The following DNAH8 variants were observed in gnomAD, a reference collection of about 807,000 sequenced individuals.
The protein encoded by DNAH8 is dynein axonemal heavy chain 8, also known as axonemal beta dynein heavy chain 8.
DNAH8 carries 382 observed loss-of-function variants against 562.1 expected under a neutral mutation model. The ratio of observed to expected loss-of-function variants is 0.68; its 90% CI spans 0.63 to 0.74. The LOEUF (loss-of-function observed/expected upper bound fraction) is 0.74. DNAH8 is among the 30% of genes least tolerant of loss of function. The pLI is 0.00. For synonymous variants in DNAH8, 1,881 were observed against 1,919.4 expected, an observed-to-expected ratio of 0.98 and a Z score of 0.52; for missense variants, 5,203 against 5,620.4, an observed-to-expected ratio of 0.93 and a Z score of 2.37.
intron 62 of DNAH8, among the ~76,000 whole-genome samples, chr6:38,903,737 G>C (rs1024854855): frequency 1.3e-5 from 2 of 148,486 alleles, no homozygotes; most frequent in African/African-American, 5.0e-5. Flanking sequence ...TCAGCCTCCC[G>C]AGTAGCTGGG....
chr6:38,862,793 T>C (rs1242235341), intron 44 of DNAH8, among the ~76,000 whole-genome samples: 1 of 152,060 alleles, frequency 6.6e-6, no homozygotes, highest in Non-Finnish European at 1.5e-5. Context: ...AATGAAAGAA[T>C]TTTAGAAAGC....
At chr6:38,886,639 C>A in intron 56 of DNAH8, 152 bp from the exon 57 acceptor site, 1 of 674,504 alleles carries the variant, frequency 1.5e-6, no homozygotes, top group Non-Finnish European at 2.5e-6. Flanking sequence ...TCATTTAAGT[C>A]AAATTACCTT....
Position 39,008,810 on chromosome 6 carries a change from C to G in DNAH8, c.13215-4C>G, listed in dbSNP as rs373756546. 13 of 1,575,072 alleles carry G rather than the reference C, an allele frequency of 8.3e-6. No individual in the cohort carries two copies. The highest frequency in any genetic ancestry group is 4.5e-5 in the South Asian group (4 of 88,578). On this transcript the variant is annotated splice_region_variant and splice_polypyrimidine_tract_variant and intron_variant, in intron 88 of 92. Transcript: ENST00000327475. Reference sequence around the variant, plus strand: ...CATTCTGAACAGCTCACTCTTTTTACTAGGTATCAGAGTAACACTGCTTCT... The same window carrying G: ...CATTCTGAACAGCTCACTCTTTTTAGTAGGTATCAGAGTAACACTGCTTCT...
chr6:38,885,205 G>A (rs192004432), intron 56 of DNAH8, among the ~76,000 whole-genome samples: 208 of 152,212 alleles, frequency 1.4e-3, no homozygotes, highest in Non-Finnish European at 2.3e-3. Flanking sequence ...ATCCAACTAG[G>A]GATGTCTGGT....
chr6:38,766,135 T>TTGTGTGTGTG (rs774448668), intron 11 of DNAH8, among the ~76,000 whole-genome samples: 5 of 128,914 alleles, frequency 3.9e-5, no homozygotes, highest in South Asian at 5.5e-4. Flanking sequence ...ATGTATGTGT[T>TTGTGTGTGTG]TGTATGTGTG....
chr6:38,822,781 A>G lies in DNAH8; in HGVS notation c.3524-57A>G. On this transcript the variant is annotated intron_variant, in intron 26 of 92. Transcript: ENST00000327475. ...AAAAGAATCACAAATATTAAAACTG[A>G]TAATATTTAAAGTTGAATATAGAAG... The G allele has an allele frequency of 4.1e-6, 5 of 1,207,946 alleles. No homozygotes were observed. In the South Asian group the frequency reaches 5.7e-5, roughly 14 times the overall value. 74.8% of individuals were successfully genotyped at this position (1,207,946 alleles called of 1,614,324 possible). A position where few individuals can be genotyped will look rare whatever the true frequency, so the allele number is the denominator to read the frequency against.
At chr6:38,862,529 A>T in intron 44 of DNAH8, 71 bp downstream of exon 44, 2 of 1,507,330 alleles carry the variant, frequency 1.3e-6, no homozygotes, top group Non-Finnish European at 1.8e-6. Flanking sequence ...ATTTTCTGAT[A>T]TAAATCCAAA....
rs765524742 is a variant in DNAH8 at position 38,723,380 on chromosome 6, A to T, written c.434A>T (p.Asp145Val). The change falls in exon 3 of 93, where the codon GAC becomes GTC. Residue 145 changes from aspartate (D) to valine (V), a missense_variant. Coordinates refer to ENST00000327475, the MANE Select transcript of DNAH8 (RefSeq NM_001206927.2). ...AGGGAAAGCCGAAGACTGAAAATTG[A>T]CCCTTCATACAAATATATATTTGAA... ...EARESRRLKI[D>V]PSYKYIFEIL... The T allele has an allele frequency of 5.6e-6, 9 of 1,612,024 alleles. No homozygotes were observed. In the East Asian group the frequency reaches 1.3e-4, roughly 24 times the overall value.
At chr6:38,978,057 G>A (rs1675666744) in intron 85 of DNAH8, among the ~76,000 whole-genome samples, 1 of 152,244 alleles carries the variant, frequency 6.6e-6, no homozygotes, top group Non-Finnish European at 1.5e-5. Context: ...TCATAGTCTG[G>A]AGTTTTTCTC....
rs759002964 is a variant in DNAH8, at chr6:38,906,334, T to C, written c.9275T>C (p.Phe3092Ser). The C allele has an allele frequency of 1.2e-6, 2 of 1,611,212 alleles. No individual in the cohort carries two copies. The highest frequency in any genetic ancestry group is 2.2e-5 in the South Asian group (2 of 90,790). The change falls in exon 63 of 93, where the codon TTC (phenylalanine) becomes TCC (serine). Residue 3092 changes from phenylalanine to serine, a missense_variant. By Grantham distance (155) the Phe-to-Ser change is radical. Transcript: ENST00000327475. Reference protein sequence around the residue: ...VAGADGKGITFIFTDSEIKDE... With the variant: ...VAGADGKGITSIFTDSEIKDE... ...GGTGCTGATGGAAAAGGCATCACTT[T>C]CATCTTTACTGACAGTGAAATAAAA...
chr6:38,942,675 A>C (rs1783556039), intron 79 of DNAH8, among the ~76,000 whole-genome samples: 1 of 152,222 alleles, frequency 6.6e-6, no homozygotes, highest in African/African-American at 2.4e-5. Flanking sequence ...GAGCTGGGGC[A>C]GTGGATTGCA....
At chr6:38,857,885 ATT>A in intron 42 of DNAH8, 143 bp downstream of exon 42, 1 of 616,492 alleles carries the variant, frequency 1.6e-6, no homozygotes. Flanking sequence ...ACAGTATTGT[ATT>A]TCTGTATTGG....
At position 38,752,325 on chromosome 6, in the gene DNAH8, G is replaced by A. The variant is rs543814945; in HGVS notation, c.1407+1736G>A. Among the ~76,000 whole-genome samples, 144 of 151,328 alleles carry A rather than the reference G, an allele frequency of 9.5e-4. 2 individuals are homozygous for A. Among genetic ancestry groups the A allele is most frequent in the African/African-American group, 3.3e-3 (133 of 40,668 alleles). On this transcript the variant is annotated intron_variant, in intron 9 of 92. Transcript: ENST00000327475. ...ATTACAGGTGCATGCCACCATGCCC[G>A]GCTAATTTTTGTATTTTTAGTAGAG...
intron 84 of DNAH8, 46 bp downstream of exon 84, chr6:38,973,859 T>C: frequency 1.4e-6 from 2 of 1,462,848 alleles, no homozygotes; most frequent in Non-Finnish European, 1.9e-6. Context: ...GTAATAAAGA[T>C]GACATCATTG....
intron 53 of DNAH8, among the ~76,000 whole-genome samples, chr6:38,880,891 G>A (rs1778424108): frequency 6.6e-6 from 1 of 152,102 alleles, no homozygotes; most frequent in Non-Finnish European, 1.5e-5. Context: ...AGCTGTGCGT[G>A]GTGGCGGGTG....
intron 1 of DNAH8, among the ~76,000 whole-genome samples, chr6:38,722,227 T>C (rs1243491723): frequency 6.6e-6 from 1 of 152,238 alleles, no homozygotes; most frequent in East Asian, 1.9e-4. Flanking sequence ...TTATTTTGGC[T>C]GCTAAGAGGA....
chr6:38,850,747 T>C (rs1775678910), intron 38 of DNAH8, among the ~76,000 whole-genome samples: 1 of 152,192 alleles, frequency 6.6e-6, no homozygotes, highest in African/African-American at 2.4e-5. Flanking sequence ...GATCCTCCCT[T>C]GCCTCTTTTG....
Position 38,974,419 on chromosome 6 carries a change from G to T in DNAH8, c.12724G>T (p.Gly4242Cys). The T allele has an allele frequency of 6.2e-7, 1 of 1,613,992 alleles. No homozygotes were observed. The highest frequency in any genetic ancestry group is 8.5e-7 in the Non-Finnish European group (1 of 1,179,892). Residue 4242 changes from glycine to cysteine, a missense_variant, in exon 85 of 93, where the codon GGT (glycine) becomes TGT (cysteine). This residue lies in a region of DNAH8 where 1,399 missense variants were observed against 1,518.4 expected (regional missense o/e 0.92). Transcript: ENST00000327475. Reference sequence around the variant, plus strand: ...TGAGCCACCCCAAGGTGTACGCGCAGGTTTGAAAAGAACATTTGCTGGAAT... The same window carrying T: ...TGAGCCACCCCAAGGTGTACGCGCATGTTTGAAAAGAACATTTGCTGGAAT... The part of the protein sequence containing the change: ...TNEPPQGVRA[G>C]LKRTFAGINQ...
chr6:38,964,447 C>T (rs1762842809), intron 82 of DNAH8, among the ~76,000 whole-genome samples: 1 of 148,508 alleles, frequency 6.7e-6, no homozygotes, highest in South Asian at 2.2e-4. Flanking sequence ...AGAGGCGCCC[C>T]TCACTGGGAG....
Sources: gnomAD v4.1 joint callset for allele counts (sites outside exome capture counted in the v4.1 genomes callset) on GRCh38, gnomAD v4.1.1 for gene constraint, gnomAD v4.1.1 regional missense constraint, MANE v1.5 for transcripts, NCBI Gene and HGNC (gene_info 2026-07-23, HGNC 2026-07-21) for gene names.